The following DNAJC13 variants were observed in gnomAD, a reference collection of about 807,000 sequenced individuals.
DNAJC13 encodes dnaJ homolog subfamily C member 13.
In DNAJC13, 75 loss-of-function variants were observed where a neutral mutation model predicts 290.5. The observed-to-expected ratio is 0.26, with a 90% confidence interval of 0.21 to 0.31. DNAJC13 has a LOEUF of 0.31. DNAJC13 is among the 10% of genes least tolerant of loss of function. DNAJC13 has a pLI of 1.00. For missense variants in DNAJC13, 2,260 were observed against 2,674.5 expected, an observed-to-expected ratio of 0.85 and a Z score of 3.42; for synonymous variants, 862 against 892.0, an observed-to-expected ratio of 0.97 and a Z score of 0.60.
At chr3:132,421,352 C>G (rs761141481) in intron 1 of DNAJC13, among the ~76,000 whole-genome samples, 1 of 152,172 alleles carries the variant, frequency 6.6e-6, no homozygotes, top group Non-Finnish European at 1.5e-5. Context: ...AGCATTATAG[C>G]AGAATTGACT....
At chr3:132,473,869 T>C (rs1004911548) in intron 21 of DNAJC13, among the ~76,000 whole-genome samples, 1 of 152,248 alleles carries the variant, frequency 6.6e-6, no homozygotes, top group African/African-American at 2.4e-5. Context: ...ATGTACATAG[T>C]ATATCCTTAA....
chr3:132,499,316 A>G lies in DNAJC13; in HGVS notation c.4341+6A>G, dbSNP rs775175627. On this transcript the variant is annotated splice_donor_region_variant and intron_variant, in intron 37 of 55. Coordinates refer to ENST00000260818, the MANE Select transcript of DNAJC13 (RefSeq NM_015268.4). ...GAAGAGAGAATGGACTAGAGGTAAT[A>G]CGGAGTGACCTTTGTGCTTTTTAAG... is the stretch of plus-strand genomic sequence containing the variant. The G allele has an allele frequency of 4.4e-6, 7 of 1,582,668 alleles. No individual in the cohort carries two copies. The highest frequency in any genetic ancestry group is 1.7e-4 in the Middle Eastern group (1 of 5,942).
chr3:132,529,473 A>G (rs1264253506), intron 54 of DNAJC13, among the ~76,000 whole-genome samples: 1 of 152,204 alleles, frequency 6.6e-6, no homozygotes, highest in East Asian at 1.9e-4. Context: ...CATTCTATCA[A>G]TATGATCATT....
chr3:132,516,524 G>A, intron 47 of DNAJC13, 28 bp downstream of exon 47: 1 of 1,606,220 alleles, frequency 6.2e-7, no homozygotes, highest in South Asian at 1.1e-5. Flanking sequence ...TTCTTAGCTA[G>A]TCATGTGCAA....
In DNAJC13 at chr3:132,450,758, TC is replaced by T; in HGVS notation, c.450del (p.Tyr151MetfsTer10). On this transcript the variant is annotated frameshift_variant, in exon 6 of 56. Transcript: ENST00000260818. LOFTEE classifies it high-confidence loss of function. ...TCCTGCAACCAACAGAGTACTCTGT[TC>T]CTATGACTATAGAAATATTGAAGGA... ...INPATNRVLC[S>X]YDYRNIEGFV... The T allele has an allele frequency of 6.2e-7, 1 of 1,611,218 alleles. No homozygotes were observed. Among genetic ancestry groups the T allele is most frequent in the Non-Finnish European group, 8.5e-7 (1 of 1,177,672 alleles).
chr3:132,507,419 A>T, intron 43 of DNAJC13, 66 bp downstream of exon 43: 1 of 933,820 alleles, frequency 1.1e-6, no homozygotes, highest in Non-Finnish European at 1.7e-6. Flanking sequence ...TTACTAGTTT[A>T]TTCACACTTT....
In DNAJC13 at chr3:132,509,827, T is replaced by G. The variant is rs555567011; in HGVS notation, c.5116-1240T>G. Among the ~76,000 whole-genome samples the G allele has an allele frequency of 6.6e-5, 10 of 152,340 alleles. No homozygotes were observed. In the East Asian group the frequency reaches 1.9e-3, roughly 29 times the overall value. ...TGCACGTAGTTTTTTTTAGACATGATACTATTGTACACTTAATAGACCACA... is the reference window on the plus strand; with the variant it reads ...TGCACGTAGTTTTTTTTAGACATGAGACTATTGTACACTTAATAGACCACA... On this transcript the variant is annotated intron_variant, in intron 43 of 55. Coordinates refer to ENST00000260818, the MANE Select transcript of DNAJC13 (RefSeq NM_015268.4).
At chr3:132,499,672 G>A in intron 37 of DNAJC13, 62 bp from the exon 38 acceptor site, 5 of 1,389,118 alleles carry the variant, frequency 3.6e-6, no homozygotes, top group Non-Finnish European at 5.1e-6. Context: ...ATTACTGCTA[G>A]AAAAGGCCTT....
chr3:132,534,900 A>T (rs915431353), intron 55 of DNAJC13, among the ~76,000 whole-genome samples: 1 of 152,212 alleles, frequency 6.6e-6, no homozygotes, highest in Non-Finnish European at 1.5e-5. Flanking sequence ...TGTGTTTGAT[A>T]AAAGGGGCAT....
At chr3:132,493,215 GT>G (rs1935120256) in intron 33 of DNAJC13, among the ~76,000 whole-genome samples, 1 of 151,966 alleles carries the variant, frequency 6.6e-6, no homozygotes, top group Admixed American at 6.6e-5. Flanking sequence ...CCTGTCCAGA[GT>G]GCCCTTGGGA....
intron 9 of DNAJC13, among the ~76,000 whole-genome samples, chr3:132,454,382 C>T (rs1016111927): frequency 1.6e-5 from 2 of 128,598 alleles, no homozygotes; most frequent in Non-Finnish European, 3.1e-5. Flanking sequence ...AGTGCTATGG[C>T]GTGATCTTGG....
rs759359528 is a variant in DNAJC13, at chr3:132,450,860, T to TA, written c.537+13_537+14insA. ...ATTTAGTAGATTGGTAAGTACTATT[T>TA]TAAAAAAAAAAAACACTTTAAAAGG... On this transcript the variant is annotated intron_variant, in intron 6 of 55. Coordinates refer to ENST00000260818, the MANE Select transcript of DNAJC13 (RefSeq NM_015268.4). 5.5e-4 allele frequency: 786 copies of TA among 1,430,122 alleles called. 1 individual carries two copies. Among genetic ancestry groups the TA allele is most frequent in the African/African-American group, 1.2e-3 (83 of 68,320 alleles). 88.6% of individuals were successfully genotyped at this position (1,430,122 alleles called of 1,614,324 possible).
intron 20 of DNAJC13, among the ~76,000 whole-genome samples, chr3:132,471,314 C>T (rs1194140263): frequency 1.4e-5 from 2 of 145,972 alleles, no homozygotes; most frequent in African/African-American, 2.5e-5. Flanking sequence ...ACCTCCCTCC[C>T]GGACGGGGCG....
Position 132,500,844 on chromosome 3 carries a change from A to G in DNAJC13, c.4467A>G (p.Glu1489=). Residue 1489 remains glutamate, a synonymous_variant, in exon 39 of 56, where the codon GAA becomes GAG. Transcript: ENST00000260818. ...KCYSVAAQFE[E]CREKITEMPS... ...ACAGTGTGGCTGCTCAGTTTGAGGAATGCCGAGAGAAGATCACGGAAATGC... is the reference window on the plus strand; with the variant it reads ...ACAGTGTGGCTGCTCAGTTTGAGGAGTGCCGAGAGAAGATCACGGAAATGC... The G allele has an allele frequency of 6.2e-7, 1 of 1,614,090 alleles. No individual in the cohort carries two copies. Among genetic ancestry groups the G allele is most frequent in the Non-Finnish European group, 8.5e-7 (1 of 1,179,956 alleles).
intron 2 of DNAJC13, among the ~76,000 whole-genome samples, chr3:132,443,815 A>T (rs1346601178): frequency 6.6e-6 from 1 of 152,116 alleles, no homozygotes; most frequent in Admixed American, 6.5e-5. Context: ...CTCCGTGTTT[A>T]CTAGTTATGA....
rs1934671219 is a variant in DNAJC13 at position 132,481,484 on chromosome 3, G to C, written c.2875-742G>C. On this transcript the variant is annotated intron_variant, in intron 26 of 55. Transcript: ENST00000260818. ...TAGTCCCAGCTACTTGAGGGGCTAA[G>C]GCAGGAGGATTGCATGAGCCTGGGA... 3.3e-5 allele frequency among the ~76,000 whole-genome samples: 5 copies of C among 152,316 alleles called. No individual in the cohort carries two copies. The South Asian group carries it at 8.3e-4, about 25-fold the overall frequency.
intron 2 of DNAJC13, among the ~76,000 whole-genome samples, chr3:132,440,058 A>T (rs562735165): frequency 6.6e-6 from 1 of 152,314 alleles, no homozygotes; most frequent in Admixed American, 6.5e-5. Context: ...AGGAGTTCAA[A>T]ATCAGCCTGG....
chr3:132,524,391 G>A (rs1452535566), intron 51 of DNAJC13, among the ~76,000 whole-genome samples: 1 of 152,210 alleles, frequency 6.6e-6, no homozygotes, highest in Non-Finnish European at 1.5e-5. Flanking sequence ...GGTGTTATTT[G>A]ATGGTTCCAG....
intron 27 of DNAJC13, among the ~76,000 whole-genome samples, 183 bp from the exon 28 acceptor site, chr3:132,483,192 G>T (rs989411792): frequency 3.3e-5 from 5 of 150,898 alleles, no homozygotes; most frequent in Admixed American, 1.3e-4. Context: ...GGGTTTTTTG[G>T]TTTTTTTTTG....
Sources: gnomAD v4.1 joint callset for allele counts (sites outside exome capture counted in the v4.1 genomes callset) on GRCh38, gnomAD v4.1.1 for gene constraint, MANE v1.5 for transcripts, NCBI Gene and HGNC (gene_info 2026-07-23, HGNC 2026-07-21) for gene names.